PTGR2: variants seen among roughly 807,000 people sequenced by gnomAD.
The protein encoded by PTGR2 is 15-oxoprostaglandin 13-reductase.
PTGR2 carries 32 observed loss-of-function variants against 43.4 expected under a neutral mutation model. That is an observed-to-expected ratio of 0.74 (90% CI 0.56 to 0.99). The LOEUF is 0.99. Among genes scored for constraint, PTGR2 ranks in the 50% least tolerant of loss-of-function variants. The pLI is 0.00. For synonymous variants in PTGR2, 106 were observed against 139.2 expected, an observed-to-expected ratio of 0.76 and a Z score of 1.68; for missense variants, 373 against 420.0, an observed-to-expected ratio of 0.89 and a Z score of 0.98.
chr14:73,852,409 G>A (rs1408851058), intron 1 of PTGR2, among the ~76,000 whole-genome samples: 1 of 151,744 alleles, frequency 6.6e-6, no homozygotes, highest in Non-Finnish European at 1.5e-5. Flanking sequence ...TTACTACTGC[G>A]CCCGGATAAT....
intron 1 of PTGR2, among the ~76,000 whole-genome samples, chr14:73,857,093 G>C (rs574232444): frequency 1.3e-5 from 2 of 151,996 alleles, no homozygotes; most frequent in African/African-American, 4.8e-5. Context: ...GCAACATAGC[G>C]AGACCTCATC....
At chr14:73,861,600 G>A (rs940570333) in intron 3 of PTGR2, 4 of 152,138 alleles carry the variant, frequency 2.6e-5, no homozygotes, top group South Asian at 4.1e-4. Context: ...GACAGGTGTG[G>A]TGGTGTGTGC....
chr14:73,870,849 G>A (rs2054710587), intron 3 of PTGR2, among the ~76,000 whole-genome samples: 1 of 152,122 alleles, frequency 6.6e-6, no homozygotes, highest in Admixed American at 6.5e-5. Flanking sequence ...ATAACATTCT[G>A]TTCTGTTGAC....
Sources: allele counts gnomAD v4.1 joint callset (sites outside exome capture counted in the v4.1 genomes callset), GRCh38; gene constraint gnomAD v4.1.1; transcripts MANE v1.5; gene names NCBI Gene and HGNC (gene_info 2026-07-23, HGNC 2026-07-21).